The following STARD9 variants were observed in gnomAD, a reference collection of about 807,000 sequenced individuals.
The protein encoded by STARD9 is stAR-related lipid transfer protein 9.
STARD9 carries 346 observed loss-of-function variants against 399.8 expected under a neutral mutation model. That is an observed-to-expected ratio of 0.87 (90% CI 0.79 to 0.95). The LOEUF is 0.95. Ranked by LOEUF, STARD9 falls within the 40% of genes least tolerant of loss-of-function variation. The pLI is 0.00. For synonymous variants in STARD9, 2,203 were observed against 2,143.5 expected (o/e 1.03, Z -0.77); for missense variants, 5,832 against 5,667.5 (o/e 1.03, Z -0.93).
rs562826848 is a variant in STARD9 at position 42,661,246 on chromosome 15, A to G, written c.770+21A>G. 2.0e-4 allele frequency: 296 copies of G among 1,492,018 alleles called. 9 individuals are homozygous for G. The South Asian group carries it at 3.4e-3, about 17-fold the overall frequency. The allele number at this position is 1,492,018 out of a possible 1,614,324, so 92.4% of individuals were successfully genotyped here. A position where few individuals can be genotyped will look rare whatever the true frequency, so the allele number is the denominator to read the frequency against. The stretch of plus-strand genomic sequence containing the variant: ...GGCAGGTAATTAGGATTTTAAAGCT[A>G]AGGGGAATTACTCTTGTTCTTGCCT... On this transcript the variant is annotated intron_variant, in intron 10 of 32. Transcript: ENST00000290607.
intron 3 of STARD9, among the ~76,000 whole-genome samples, chr15:42,622,350 CCTCTCT>C (rs141452327): frequency 6.7e-6 from 1 of 148,988 alleles, no homozygotes; most frequent in South Asian, 2.1e-4. Context: ...TCTCTCTCTC[CCTCTCT>C]CTCTCTCTCT....
At chr15:42,631,220 G>T (rs1022535657) in intron 3 of STARD9, among the ~76,000 whole-genome samples, 1 of 151,996 alleles carries the variant, frequency 6.6e-6, no homozygotes, top group African/African-American at 2.4e-5. Context: ...GCTTATTGCT[G>T]TAAACTTTTC....
chr15:42,681,408 C>T lies in STARD9; in HGVS notation c.1875-14C>T, dbSNP rs878973694. 12 of 1,532,936 alleles carry T rather than the reference C, an allele frequency of 7.8e-6. No individual in the cohort carries two copies. The highest frequency in any genetic ancestry group is 2.0e-5 in the Admixed American group (1 of 50,460). The allele number at this position is 1,532,936 out of a possible 1,614,324, so 95.0% of individuals were successfully genotyped here. A position where few individuals can be genotyped will look rare whatever the true frequency, so the allele number is the denominator to read the frequency against. On this transcript the variant is annotated splice_polypyrimidine_tract_variant and intron_variant, in intron 20 of 32. Coordinates refer to ENST00000290607, the MANE Select transcript of STARD9 (RefSeq NM_020759.3). ...GCATTTCCCCTTGGGTAACCTCAGC[C>T]GCTTCTGTGACAGGAGAGCGCTTGA... is the stretch of plus-strand genomic sequence containing the variant.
Position 42,694,663 on chromosome 15 carries a change from C to T in STARD9, c.12900C>T (p.Asp4300=), listed in dbSNP as rs1330914718. 1 of 1,537,084 alleles carries T rather than the reference C, an allele frequency of 6.5e-7. No individual in the cohort carries two copies. Among genetic ancestry groups the T allele is most frequent in the African/African-American group, 1.4e-5 (1 of 73,028 alleles). The change falls in exon 24 of 33, where the codon GAC becomes GAT. Residue 4300 remains aspartate (D), a synonymous_variant. Transcript: ENST00000290607. ...PNKDLFIWDL[D]LPSRRREYLQ... ...AAGATCTCTTCATCTGGGATCTTGA[C>T]TTGCCCAGCAGACGCCGAGAATACC...
At chr15:42,713,499 T>G (rs2061290112) in intron 26 of STARD9, among the ~76,000 whole-genome samples, 1 of 152,212 alleles carries the variant, frequency 6.6e-6, no homozygotes, top group Non-Finnish European at 1.5e-5. Context: ...TATCCATCTT[T>G]CACCATTAAG....
At chr15:42,626,446 CCTCCTCTTCCTT>C (rs2059223808) in intron 3 of STARD9, among the ~76,000 whole-genome samples, 5 of 151,394 alleles carry the variant, frequency 3.3e-5, no homozygotes, top group African/African-American at 7.3e-5. Context: ...TCCTTCTCCT[CCTCCTCTTCCTT>C]CTCCTCTTCC....
chr15:42,691,714 C>T lies in STARD9; in HGVS notation c.10136C>T (p.Ala3379Val). 1 of 1,537,256 alleles carries T rather than the reference C, an allele frequency of 6.5e-7. No individual in the cohort carries two copies. The highest frequency in any genetic ancestry group is 8.7e-7 in the Non-Finnish European group (1 of 1,146,920). Residue 3379 changes from alanine (A) to valine (V), a missense_variant, in exon 23 of 33, where the codon GCT becomes GTT. Ala to Val is a moderately conservative substitution (Grantham distance 64). Around this residue, in one of 2 missense-constraint regions of STARD9, gnomAD observed 5,828 missense variants for 5,651.1 expected, o/e 1.03. Coordinates refer to ENST00000290607, the MANE Select transcript of STARD9 (RefSeq NM_020759.3). ...TCAGTGGCAAGAACATCTCTGCAGG[C>T]TGAGGACAGCAATCAGAAAGCCTCA... ...GKSVARTSLQ[A>V]EDSNQKASSR...
In STARD9 at chr15:42,638,070, CT is replaced by C; in HGVS notation, c.430del (p.Cys144ValfsTer3). 2 of 1,537,250 alleles carry C rather than the reference CT, an allele frequency of 1.3e-6. No homozygotes were observed. The highest frequency in any genetic ancestry group is 1.7e-6 in the Non-Finnish European group (2 of 1,146,940). On this transcript the variant is annotated frameshift_variant, in exon 6 of 33. Transcript: ENST00000290607. LOFTEE classifies it high-confidence loss of function. ...EKDCASLPSS[C>X]RIKVSFLEIY... ...AAGACTGTGCCTCACTGCCTTCCTCCTGTAGGATAAAAGTAAGGTAAGAACC... is the reference window on the plus strand; with the variant it reads ...AAGACTGTGCCTCACTGCCTTCCTCCGTAGGATAAAAGTAAGGTAAGAACC...
chr15:42,650,338 A>G (rs2059735029), intron 7 of STARD9, among the ~76,000 whole-genome samples: 1 of 152,190 alleles, frequency 6.6e-6, no homozygotes, highest in Non-Finnish European at 1.5e-5. Context: ...TCATACAGAG[A>G]TTCTCTGGAA....
chr15:42,690,547 C>T lies in STARD9; in HGVS notation c.8969C>T (p.Ala2990Val). The change falls in exon 23 of 33, where the codon GCC (alanine) becomes GTC (valine). Residue 2990 changes from alanine to valine, a missense_variant. By Grantham distance (64) the Ala-to-Val change is moderately conservative. This residue lies in a region of STARD9 where 5,828 missense variants were observed against 5,651.1 expected (regional missense o/e 1.03). Transcript: ENST00000290607. ...CTAGGGAAGGAGCCTTTCAAGGCTG[C>T]CCCACATACTATCCACCCACCCTGT... ...GDLGKEPFKAAPHTIHPPCVV... is the reference protein window; with the variant it reads ...GDLGKEPFKAVPHTIHPPCVV... The T allele has an allele frequency of 6.5e-7, 1 of 1,537,126 alleles. No homozygotes were observed. The highest frequency in any genetic ancestry group is 2.4e-5 in the East Asian group (1 of 40,918).
At position 42,659,526 on chromosome 15, in the gene STARD9, T is replaced by TTTTTG. The variant is rs140316128; in HGVS notation, c.703-1623_703-1619dup. Among the ~76,000 whole-genome samples, 771 of 152,188 alleles carry TTTTTG rather than the reference T, an allele frequency of 5.1e-3. 9 individuals are homozygous for TTTTTG. Among genetic ancestry groups the TTTTTG allele is most frequent in the African/African-American group, 0.018 (756 of 41,518 alleles). On this transcript the variant is annotated intron_variant, in intron 9 of 32. Transcript: ENST00000290607. ...AGTTTATCAGGGTTTTCTTTGTTTG[T>TTTTTG]TTTTGTTTTGTTTGTTTGTGATGGA...
At position 42,691,828 on chromosome 15, in the gene STARD9, C is replaced by T; in HGVS notation, c.10250C>T (p.Pro3417Leu). 6.5e-7 allele frequency: 1 copy of T among 1,537,286 alleles called. No homozygotes were observed. The change falls in exon 23 of 33, where the codon CCA (proline) becomes CTA (leucine). Residue 3417 changes from proline to leucine, a missense_variant. By Grantham distance (98) the Pro-to-Leu change is moderately conservative. Coordinates refer to ENST00000290607, the MANE Select transcript of STARD9 (RefSeq NM_020759.3). ...ATGCCTTCCACTCTCTCACACATGCCAACCCCTGATTTCACGACCAGCTGG... is the reference window on the plus strand; with the variant it reads ...ATGCCTTCCACTCTCTCACACATGCTAACCCCTGATTTCACGACCAGCTGG... ...YPMPSTLSHM[P>L]TPDFTTSWMS... is the part of the protein sequence containing the mutation.
intron 8 of STARD9, among the ~76,000 whole-genome samples, chr15:42,652,316 G>A (rs954742779): frequency 5.3e-5 from 8 of 151,844 alleles, no homozygotes; most frequent in Admixed American, 1.3e-4. Flanking sequence ...GCTACACTCC[G>A]TTTTATGCTC....
rs774041583 is a variant in STARD9 at position 42,689,286 on chromosome 15, G to T, written c.7708G>T (p.Ala2570Ser). 61 of 1,537,102 alleles carry T rather than the reference G, an allele frequency of 4.0e-5. No individual in the cohort carries two copies. Among genetic ancestry groups the T allele is most frequent in the Non-Finnish European group, 5.0e-5 (57 of 1,146,912 alleles). ...GAGAAAGCAGCTTCATGACTTTGTG[G>T]CCAGGGGCACAGTCCTTTCTTACTG... is the stretch of plus-strand genomic sequence containing the variant. ...AQRKQLHDFVARGTVLSYCET... is the reference protein window; with the variant it reads ...AQRKQLHDFVSRGTVLSYCET... The change falls in exon 23 of 33, where the codon GCC (alanine) becomes TCC (serine). Residue 2570 changes from alanine (A) to serine (S), a missense_variant. Ala to Ser is a moderately conservative substitution (Grantham distance 99, BLOSUM62 1). Around this residue, in one of 2 missense-constraint regions of STARD9, gnomAD observed 5,828 missense variants for 5,651.1 expected, o/e 1.03. Coordinates refer to ENST00000290607, the MANE Select transcript of STARD9 (RefSeq NM_020759.3).
rs1259687991 is a variant in STARD9, at chr15:42,717,964, T to C, written c.13560-13T>C. ...ACCCCTTTCTATTTTCTGTGCTTGG[T>C]GTCTCCCCCCAGCTATCAGGGTGAG... On this transcript the variant is annotated splice_polypyrimidine_tract_variant and intron_variant, in intron 29 of 32. Coordinates refer to ENST00000290607, the MANE Select transcript of STARD9 (RefSeq NM_020759.3). 2.6e-6 allele frequency: 4 copies of C among 1,536,854 alleles called. No homozygotes were observed. The East Asian group carries it at 7.3e-5, about 28-fold the overall frequency.
At chr15:42,616,723 C>G (rs2058969636) in intron 3 of STARD9, among the ~76,000 whole-genome samples, 2 of 151,878 alleles carry the variant, frequency 1.3e-5, no homozygotes, top group East Asian at 3.9e-4. Flanking sequence ...AACCCCATCT[C>G]TACTAAAAAT....
intron 3 of STARD9, among the ~76,000 whole-genome samples, chr15:42,633,660 T>C (rs1187767468): frequency 1.3e-5 from 2 of 151,622 alleles, no homozygotes; most frequent in African/African-American, 4.8e-5. Flanking sequence ...TTTTTTTTTT[T>C]TGAGATGGAG....
At chr15:42,715,210 A>G (rs2061328491) in intron 26 of STARD9, among the ~76,000 whole-genome samples, 1 of 152,204 alleles carries the variant, frequency 6.6e-6, no homozygotes, top group Non-Finnish European at 1.5e-5. Flanking sequence ...AGTTATTTAC[A>G]TGATCCAGCC....
chr15:42,689,457 C>A lies in STARD9; in HGVS notation c.7879C>A (p.Gln2627Lys), dbSNP rs1566942798. The A allele has an allele frequency of 9.1e-6, 14 of 1,537,342 alleles. No homozygotes were observed. Among genetic ancestry groups the A allele is most frequent in the Non-Finnish European group, 1.1e-5 (13 of 1,146,926 alleles). The stretch of plus-strand genomic sequence containing the variant: ...GGCATCTCTATCTGCTGAAGCAGGG[C>A]AGATAGATCTGTTACCTGATGAGAG... Reference protein sequence around the residue: ...HVASLSAEAGQIDLLPDERKV... With the variant: ...HVASLSAEAGKIDLLPDERKV... Residue 2627 changes from glutamine to lysine, a missense_variant, in exon 23 of 33, where the codon CAG becomes AAG. Around this residue, in one of 2 missense-constraint regions of STARD9, gnomAD observed 5,828 missense variants for 5,651.1 expected, o/e 1.03. Transcript: ENST00000290607.
Sources: gnomAD v4.1 joint callset for allele counts (sites outside exome capture counted in the v4.1 genomes callset) on GRCh38, gnomAD v4.1.1 for gene constraint, gnomAD v4.1.1 regional missense constraint, MANE v1.5 for transcripts, NCBI Gene and HGNC (gene_info 2026-07-23, HGNC 2026-07-21) for gene names.